RNF220: variants seen among roughly 807,000 people sequenced by gnomAD.
RNF220 encodes E3 ubiquitin-protein ligase RNF220.
In RNF220, 7 loss-of-function variants were observed where a neutral mutation model predicts 67.1. The ratio of observed to expected loss-of-function variants is 0.10; its 90% confidence interval spans 0.06 to 0.20. The LOEUF (loss-of-function observed/expected upper bound fraction) is 0.20, where lower values mean the gene tolerates loss of function less well. RNF220 is among the 10% of genes least tolerant of loss of function. The pLI is 1.00. For synonymous variants in RNF220, 270 were observed against 283.2 expected (o/e 0.95, Z 0.47); for missense variants, 565 against 740.3 (o/e 0.76, Z 2.75).
intron 2 of RNF220, among the ~76,000 whole-genome samples, chr1:44,608,053 C>T (rs932559431): frequency 2.7e-5 from 4 of 150,930 alleles, no homozygotes; most frequent in Admixed American, 6.6e-5. Context: ...CCTCCCAAGT[C>T]GCTGGGACTA....
chr1:44,535,341 A>AT (rs2148203613), intron 2 of RNF220, among the ~76,000 whole-genome samples: 1 of 152,098 alleles, frequency 6.6e-6, no homozygotes, highest in African/African-American at 2.4e-5. Flanking sequence ...GGGTTTCACC[A>AT]TATTGGCCAG....
chr1:44,554,615 G>A (rs139974854), intron 2 of RNF220, among the ~76,000 whole-genome samples: 1 of 152,066 alleles, frequency 6.6e-6, no homozygotes, highest in Admixed American at 6.5e-5. Flanking sequence ...GAGAATGGAG[G>A]GTCAGGAAGA....
intron 2 of RNF220, among the ~76,000 whole-genome samples, chr1:44,520,128 T>TGTGTGTGAGAGA (rs796131470): frequency 1.6e-4 from 18 of 113,462 alleles, no homozygotes; most frequent in Admixed American, 7.8e-4. Flanking sequence ...TGTGTGTGTG[T>TGTGTGTGAGAGA]GAGAGAGAGA....
chr1:44,419,810 A>G (rs1230974512), intron 2 of RNF220: 1 of 152,232 alleles, frequency 6.6e-6, no homozygotes, highest in Non-Finnish European at 1.5e-5. Flanking sequence ...CCTTTCTCAA[A>G]TATAGACTTA....
chr1:44,581,000 C>A (rs1233940855), intron 2 of RNF220, among the ~76,000 whole-genome samples: 2 of 152,248 alleles, frequency 1.3e-5, no homozygotes, highest in Non-Finnish European at 2.9e-5. Flanking sequence ...GAGCCAGAGT[C>A]TGGGCCAGGA....
chr1:44,587,127 C>G (rs1401536736), intron 2 of RNF220, among the ~76,000 whole-genome samples: 1 of 145,920 alleles, frequency 6.9e-6, no homozygotes, highest in Non-Finnish European at 1.5e-5. Context: ...ACTATTGTAT[C>G]TTCTTCTCTT....
chr1:44,650,911 C>A lies in RNF220; in HGVS notation c.*136C>A. The A allele has an allele frequency of 1.5e-6, 1 of 684,956 alleles. No homozygotes were observed. The highest frequency in any genetic ancestry group is 2.6e-6 in the Non-Finnish European group (1 of 389,264). The allele number at this position is 684,956 out of a possible 1,614,324, so 42.4% of individuals were successfully genotyped here. ...ACATGCACATACTCAAACATGCGTA[C>A]ACACACACACATTTACACACGCAGG... On this transcript the variant is annotated 3_prime_UTR_variant, in exon 15 of 15. Coordinates refer to ENST00000361799, the MANE Select transcript of RNF220 (RefSeq NM_018150.4). This position sits in a 1 kb window ranked among gnomAD's most constrained non-coding sequence, Gnocchi z 4.3.
At position 44,651,006 on chromosome 1, in the gene RNF220, A is replaced by T; in HGVS notation, c.*231A>T. The T allele has an allele frequency of 7.6e-6, 4 of 525,636 alleles. No homozygotes were observed. Among genetic ancestry groups the T allele is most frequent in the East Asian group, 3.5e-5 (1 of 28,826 alleles). 32.6% of individuals were successfully genotyped at this position (525,636 alleles called of 1,614,324 possible). A position where few individuals can be genotyped will look rare whatever the true frequency, so the allele number is the denominator to read the frequency against. On this transcript the variant is annotated 3_prime_UTR_variant, in exon 15 of 15. Transcript: ENST00000361799. ...GGCTCCCACCTATGGTTTGGGGGCC[A>T]TACCTGTTCCAGCTCTGTTCCCAGG... is the stretch of plus-strand genomic sequence containing the variant.
At chr1:44,578,920 C>CT (rs1665029121) in intron 2 of RNF220, among the ~76,000 whole-genome samples, 1 of 152,080 alleles carries the variant, frequency 6.6e-6, no homozygotes, top group South Asian at 2.1e-4. Flanking sequence ...AATCCCAGCA[C>CT]TTTGGGAGGC....
intron 2 of RNF220, among the ~76,000 whole-genome samples, chr1:44,498,218 A>C (rs1424209743): frequency 2.0e-5 from 3 of 152,206 alleles, no homozygotes; most frequent in Non-Finnish European, 4.4e-5. Flanking sequence ...GAAAAGAAAG[A>C]ACCATTGGCA....
At chr1:44,426,118 C>T (rs1014084922) in intron 2 of RNF220, among the ~76,000 whole-genome samples, 3 of 152,304 alleles carry the variant, frequency 2.0e-5, no homozygotes, top group Admixed American at 2.0e-4. Context: ...TTACCCTTTG[C>T]CTTTCTTCTC....
chr1:44,593,328 G>A (rs1442011069), intron 2 of RNF220, among the ~76,000 whole-genome samples: 1 of 152,192 alleles, frequency 6.6e-6, no homozygotes, highest in Non-Finnish European at 1.5e-5. Context: ...GGAGCCCAAA[G>A]TTTCATTTTT....
chr1:44,545,729 A>G (rs923942610), intron 2 of RNF220, among the ~76,000 whole-genome samples: 1 of 151,440 alleles, frequency 6.6e-6, no homozygotes, highest in Non-Finnish European at 1.5e-5. Context: ...CTAAAACAGC[A>G]TACTGCAACC....
intron 2 of RNF220, among the ~76,000 whole-genome samples, chr1:44,607,419 C>A (rs1383558914): frequency 6.6e-6 from 1 of 152,158 alleles, no homozygotes; most frequent in Non-Finnish European, 1.5e-5. Context: ...TGTGCTCCAG[C>A]CACATTGGAC....
chr1:44,553,620 G>A (rs112163323), intron 2 of RNF220, among the ~76,000 whole-genome samples: 343 of 152,304 alleles, frequency 2.3e-3, no homozygotes, highest in Non-Finnish European at 3.5e-3. Context: ...ACAGGAGGAG[G>A]CACTTAGTAT....
chr1:44,567,853 G>A (rs974965408), intron 2 of RNF220, among the ~76,000 whole-genome samples: 1 of 152,054 alleles, frequency 6.6e-6, no homozygotes, highest in African/African-American at 2.4e-5. Context: ...GAGGCTGTGC[G>A]AGTCCCTGCT....
chr1:44,539,194 C>G (rs1661485506), intron 2 of RNF220, among the ~76,000 whole-genome samples: 1 of 152,026 alleles, frequency 6.6e-6, no homozygotes, highest in Non-Finnish European at 1.5e-5. Context: ...GCACTCTAGC[C>G]TGGGTGACAG....
intron 2 of RNF220, among the ~76,000 whole-genome samples, chr1:44,498,314 A>G (rs915568021): frequency 2.0e-5 from 3 of 151,974 alleles, no homozygotes; most frequent in African/African-American, 7.3e-5. Flanking sequence ...TCACCACCCA[A>G]TTCTGCCCAA....
At chr1:44,504,026 T>C (rs2148098813) in intron 2 of RNF220, among the ~76,000 whole-genome samples, 1 of 152,262 alleles carries the variant, frequency 6.6e-6, no homozygotes, top group East Asian at 1.9e-4. Context: ...ATTGTTTTTA[T>C]TTTTAGTAGA....
Sources: allele counts gnomAD v4.1 joint callset (sites outside exome capture counted in the v4.1 genomes callset), GRCh38; gene constraint gnomAD v4.1.1; non-coding constraint Gnocchi (gnomAD v3.1); transcripts MANE v1.5; gene names NCBI Gene and HGNC (gene_info 2026-07-23, HGNC 2026-07-21).